Variants in KCNAB1 observed in about 807,000 individuals in gnomAD.
KCNAB1 encodes potassium voltage-gated channel subfamily A regulatory beta subunit 1.
A neutral mutation model predicts 64.6 loss-of-function variants in KCNAB1; 35 were observed. That is an observed-to-expected ratio of 0.54 (90% CI 0.41 to 0.72). KCNAB1 has a LOEUF of 0.72. KCNAB1 is among the 30% of genes least tolerant of loss of function. The pLI, the probability that KCNAB1 is intolerant of heterozygous loss-of-function variation, is 0.00. For missense variants in KCNAB1, 401 were observed against 512.9 expected (o/e 0.78, Z 2.11); for synonymous variants, 177 against 183.8 (o/e 0.96, Z 0.30).
At chr3:156,289,254 A>C (rs946808016) in intron 1 of KCNAB1, among the ~76,000 whole-genome samples, 4 of 152,110 alleles carry the variant, frequency 2.6e-5, no homozygotes, top group South Asian at 2.1e-4. Flanking sequence ...TGAGCCCCCC[A>C]CACATCTCCT....
chr3:156,254,056 C>G (rs1414730139), intron 1 of KCNAB1, among the ~76,000 whole-genome samples: 2 of 152,154 alleles, frequency 1.3e-5, no homozygotes, highest in African/African-American at 2.4e-5. Flanking sequence ...ACACAATGCC[C>G]TCTGCAACCA....
intron 8 of KCNAB1, among the ~76,000 whole-genome samples, chr3:156,482,945 CACA>C (rs1383177277): frequency 6.6e-6 from 1 of 152,054 alleles, no homozygotes; most frequent in Non-Finnish European, 1.5e-5. Context: ...AGAAGGCTAA[CACA>C]ACAAATTAAG....
chr3:156,353,984 T>C (rs1296032076), intron 1 of KCNAB1, among the ~76,000 whole-genome samples: 1 of 151,638 alleles, frequency 6.6e-6, no homozygotes, highest in African/African-American at 2.4e-5. Context: ...ACATGGGGGA[T>C]TTGGGGGCAT....
At chr3:156,499,139 C>T (rs544590870) in intron 8 of KCNAB1, among the ~76,000 whole-genome samples, 18 of 152,298 alleles carry the variant, frequency 1.2e-4, no homozygotes, top group Admixed American at 4.6e-4. Context: ...CATCTGGGAA[C>T]GCTTTATCAG....
At chr3:156,141,144 C>T (rs1362066082) in intron 1 of KCNAB1, among the ~76,000 whole-genome samples, 1 of 151,878 alleles carries the variant, frequency 6.6e-6, no homozygotes, top group Non-Finnish European at 1.5e-5. Flanking sequence ...TCCATATATC[C>T]TTTGCCTAGT....
At chr3:156,255,460 G>A (rs1253212686) in intron 1 of KCNAB1, among the ~76,000 whole-genome samples, 1 of 152,158 alleles carries the variant, frequency 6.6e-6, no homozygotes, top group Non-Finnish European at 1.5e-5. Flanking sequence ...AGTCCCTGCT[G>A]TTTCCTGAAT....
At chr3:156,518,110 GA>G (rs982625612) in intron 11 of KCNAB1, among the ~76,000 whole-genome samples, 1 of 151,908 alleles carries the variant, frequency 6.6e-6, no homozygotes, top group Non-Finnish European at 1.5e-5. Context: ...AAAGGAAAAA[GA>G]AAAAAAGAAA....
chr3:156,514,585 C>CTCTGTAATGATGGA, intron 9 of KCNAB1, 136 bp downstream of exon 9: 3 of 655,238 alleles, frequency 4.6e-6, no homozygotes, highest in Non-Finnish European at 5.5e-6. Context: ...TCAATTCCAT[C>CTCTGTAATGATGGA]ATTACAGAGA....
chr3:156,415,883 A>C (rs533009623), intron 1 of KCNAB1, among the ~76,000 whole-genome samples: 8 of 152,098 alleles, frequency 5.3e-5, no homozygotes, highest in Non-Finnish European at 1.0e-4. Context: ...TTAACCTTGG[A>C]TGTCTCATGG....
At chr3:156,334,639 C>T (rs542732585) in intron 1 of KCNAB1, among the ~76,000 whole-genome samples, 2 of 152,298 alleles carry the variant, frequency 1.3e-5, no homozygotes, top group Non-Finnish European at 2.9e-5. Context: ...CTAAAAGCTG[C>T]CCAATAAATG....
intron 1 of KCNAB1, among the ~76,000 whole-genome samples, chr3:156,241,706 T>C (rs1717174312): frequency 6.6e-6 from 1 of 152,210 alleles, no homozygotes; most frequent in Non-Finnish European, 1.5e-5. Context: ...TTCAGGACTC[T>C]ATTGTTTTGA....
At chr3:156,467,291 A>C (rs980233758) in intron 7 of KCNAB1, among the ~76,000 whole-genome samples, 1 of 152,158 alleles carries the variant, frequency 6.6e-6, no homozygotes, top group African/African-American at 2.4e-5. Flanking sequence ...AAAAACCATA[A>C]GTCAAACCAT....
chr3:156,461,317 A>G (rs926505495), intron 5 of KCNAB1, among the ~76,000 whole-genome samples: 2 of 152,166 alleles, frequency 1.3e-5, no homozygotes, highest in African/African-American at 4.8e-5. Flanking sequence ...ATTCTGGGTA[A>G]AGTTCTTCCT....
At chr3:156,329,757 G>T (rs1723211766) in intron 1 of KCNAB1, among the ~76,000 whole-genome samples, 1 of 152,156 alleles carries the variant, frequency 6.6e-6, no homozygotes, top group African/African-American at 2.4e-5. Context: ...TCCAATAGAA[G>T]ATGGTAGAAA....
intron 1 of KCNAB1, among the ~76,000 whole-genome samples, chr3:156,144,155 T>G (rs1210295808): frequency 6.6e-6 from 1 of 152,022 alleles, no homozygotes; most frequent in Non-Finnish European, 1.5e-5. Context: ...ACGCCTGGAG[T>G]TTTAAACAGC....
Position 156,515,194 on chromosome 3 carries a change from A to G in KCNAB1, c.839A>G (p.Gln280Arg), listed in dbSNP as rs748212517. The G allele has an allele frequency of 1.9e-6, 3 of 1,613,066 alleles. No individual in the cohort carries two copies. The highest frequency in any genetic ancestry group is 2.2e-5 in the East Asian group (1 of 44,856). Residue 280 changes from glutamine to arginine, a missense_variant, in exon 10 of 14, where the codon CAG (glutamine) becomes CGG (arginine). By Grantham distance (43) the Gln-to-Arg change is conservative. Transcript: ENST00000490337. Reference protein sequence around the residue: ...HLFQREKVEVQLPELYHKIGV... With the variant: ...HLFQREKVEVRLPELYHKIGV... ...TTCCAGAGAGAGAAAGTGGAGGTCCAGCTGCCAGAGCTCTACCACAAAATA... is the reference window on the plus strand; with the variant it reads ...TTCCAGAGAGAGAAAGTGGAGGTCCGGCTGCCAGAGCTCTACCACAAAATA...
chr3:156,356,855 A>G (rs1211836813), intron 1 of KCNAB1, among the ~76,000 whole-genome samples: 1 of 152,226 alleles, frequency 6.6e-6, no homozygotes, highest in Non-Finnish European at 1.5e-5. Flanking sequence ...TCCTAAAGAA[A>G]CAGGTCCAGG....
chr3:156,367,501 C>G (rs765458303), intron 1 of KCNAB1, among the ~76,000 whole-genome samples: 29 of 152,132 alleles, frequency 1.9e-4, no homozygotes, highest in Non-Finnish European at 3.4e-4. Flanking sequence ...TTTTAACACA[C>G]ATCCTTTATT....
At chr3:156,420,684 G>C (rs1166176147) in intron 1 of KCNAB1, among the ~76,000 whole-genome samples, 2 of 152,136 alleles carry the variant, frequency 1.3e-5, no homozygotes, top group African/African-American at 4.8e-5. Context: ...TTTCAGCTTT[G>C]CCTGCTCACT....
Sources: gnomAD v4.1 joint callset for allele counts (sites outside exome capture counted in the v4.1 genomes callset) on GRCh38, gnomAD v4.1.1 for gene constraint, MANE v1.5 for transcripts, NCBI Gene and HGNC (gene_info 2026-07-23, HGNC 2026-07-21) for gene names.